Variants in ESYT3 observed in about 807,000 individuals in gnomAD.
The protein encoded by ESYT3 is extended synaptotagmin 3.
In ESYT3, 101 loss-of-function variants were observed where a neutral mutation model predicts 111.5. The ratio of observed to expected loss-of-function variants is 0.91; its 90% CI spans 0.77 to 1.07. The LOEUF (loss-of-function observed/expected upper bound fraction) is 1.07. ESYT3 is among the 50% of genes least tolerant of loss of function. ESYT3 has a pLI of 0.00. For synonymous variants in ESYT3, 416 were observed against 446.8 expected, an observed-to-expected ratio of 0.93 and a Z score of 0.87; for missense variants, 1,097 against 1,109.4, an observed-to-expected ratio of 0.99 and a Z score of 0.16.
At chr3:138,470,465 A>G (rs2033162769) in intron 16 of ESYT3, 7 of 1,103,880 alleles carry the variant, frequency 6.3e-6, no homozygotes, top group Non-Finnish European at 5.5e-6. Flanking sequence ...TAAAAAATAT[A>G]TGTTTCATTT....
At chr3:138,447,463 TGA>T (rs1440451976) in intron 1 of ESYT3, among the ~76,000 whole-genome samples, 1 of 152,164 alleles carries the variant, frequency 6.6e-6, no homozygotes, top group African/African-American at 2.4e-5. Flanking sequence ...AATAGAAAAA[TGA>T]GAGCAGAATA....
chr3:138,448,758 A>C (rs73864576), intron 1 of ESYT3, among the ~76,000 whole-genome samples: 3,686 of 152,314 alleles, frequency 0.024, 161 homozygotes, highest in African/African-American at 0.083. Context: ...ATCAGTCTCT[A>C]TGATTTCATC....
intron 1 of ESYT3, among the ~76,000 whole-genome samples, chr3:138,444,521 T>G (rs1372835979): frequency 1.3e-5 from 2 of 152,224 alleles, no homozygotes; most frequent in East Asian, 1.9e-4. Context: ...GTCCACTGTT[T>G]CCATGGATCT....
chr3:138,449,230 G>A (rs1263132698), intron 1 of ESYT3, among the ~76,000 whole-genome samples: 1 of 151,856 alleles, frequency 6.6e-6, no homozygotes, highest in African/African-American at 2.4e-5. Flanking sequence ...GATTACAGGT[G>A]TGTGCCACCA....
intron 15 of ESYT3, 46 bp from the exon 16 acceptor site, chr3:138,470,014 C>T (rs768711347): frequency 2.6e-6 from 4 of 1,560,840 alleles, no homozygotes; most frequent in South Asian, 2.3e-5. Flanking sequence ...GTATCCAGCT[C>T]TGCCCAACCT....
chr3:138,445,058 C>T (rs1468674184), intron 1 of ESYT3, among the ~76,000 whole-genome samples: 7 of 152,222 alleles, frequency 4.6e-5, no homozygotes, highest in African/African-American at 1.7e-4. Flanking sequence ...CCCCAGTCCT[C>T]TGGAATCAAA....
At chr3:138,471,638 TTC>T (rs1477212930) in intron 17 of ESYT3, among the ~76,000 whole-genome samples, 11 of 152,234 alleles carry the variant, frequency 7.2e-5, no homozygotes, top group Non-Finnish European at 1.2e-4. Context: ...GGTGACTCAT[TTC>T]TGTTTTATAA....
chr3:138,441,809 A>G (rs2031172176), intron 1 of ESYT3, among the ~76,000 whole-genome samples: 1 of 132,990 alleles, frequency 7.5e-6, no homozygotes, highest in Non-Finnish European at 1.6e-5. Flanking sequence ...ATTGAGAATT[A>G]TTAAAAAGAC....
rs562171001 is a variant in ESYT3 at position 138,436,379 on chromosome 3, G to T, written c.327+1254G>T. Among the ~76,000 whole-genome samples the T allele has an allele frequency of 6.6e-5, 10 of 152,234 alleles. No homozygotes were observed. In the South Asian group the frequency reaches 1.9e-3, roughly 28 times the overall value. ...TCTTAGAAGGACATCAGTCATATTGGATTAAGGCTCACCCTAATGAACTCA... is the reference window on the plus strand; with the variant it reads ...TCTTAGAAGGACATCAGTCATATTGTATTAAGGCTCACCCTAATGAACTCA... On this transcript the variant is annotated intron_variant, in intron 1 of 22. Coordinates refer to ENST00000389567, the MANE Select transcript of ESYT3 (RefSeq NM_031913.5).
At chr3:138,473,691 A>G (rs2033352721) in intron 19 of ESYT3, 57 bp downstream of exon 19, 2 of 1,433,218 alleles carry the variant, frequency 1.4e-6, no homozygotes, top group Non-Finnish European at 2.0e-6. Context: ...ACCATAAATC[A>G]GAGTAGGGAC....
At chr3:138,462,352 T>C in intron 8 of ESYT3, 146 bp downstream of exon 8, 1 of 1,147,526 alleles carries the variant, frequency 8.7e-7, no homozygotes, top group Non-Finnish European at 1.2e-6. Context: ...GCCCACGTCA[T>C]AATTACTAAA....
rs758867336 is a variant in ESYT3, at chr3:138,476,883, T to C, written c.*29T>C. 9 of 1,589,106 alleles carry C rather than the reference T, an allele frequency of 5.7e-6. No individual in the cohort carries two copies. Among genetic ancestry groups the C allele is most frequent in the South Asian group, 2.2e-5 (2 of 90,296 alleles). ...TGAGAATTCTTATCACTCACCTTTA[T>C]ATTAAAATGTATATATATGTATATA... On this transcript the variant is annotated 3_prime_UTR_variant, in exon 23 of 23. Transcript: ENST00000389567.
chr3:138,451,974 G>A, intron 1 of ESYT3, 74 bp from the exon 2 acceptor site: 7 of 1,560,436 alleles, frequency 4.5e-6, no homozygotes, highest in South Asian at 3.3e-5. Context: ...TGGGAAGCCC[G>A]CCAGGCTGGC....
intron 8 of ESYT3, among the ~76,000 whole-genome samples, chr3:138,463,267 G>C (rs886250932): frequency 2.0e-5 from 3 of 152,216 alleles, no homozygotes; most frequent in Non-Finnish European, 4.4e-5. Flanking sequence ...GCTAATTTTT[G>C]TATTTTTAGT....
chr3:138,434,757 C>G lies in ESYT3; in HGVS notation c.-42C>G, dbSNP rs764714528. ...GGGCGTGGGGGCATGCGGACCTAAG[C>G]TCGGGTGAAGCTCTCGGGAAGGGCA... is the stretch of plus-strand genomic sequence containing the variant. On this transcript the variant is annotated 5_prime_UTR_variant, in exon 1 of 23. Coordinates refer to ENST00000389567, the MANE Select transcript of ESYT3 (RefSeq NM_031913.5). 1.4e-6 allele frequency: 2 copies of G among 1,471,916 alleles called. No individual in the cohort carries two copies. The highest frequency in any genetic ancestry group is 2.8e-5 in the African/African-American group (2 of 70,802). 91.2% of individuals were successfully genotyped at this position (1,471,916 alleles called of 1,614,324 possible).
At chr3:138,462,422 A>G in intron 8 of ESYT3, 3 of 604,300 alleles carry the variant, frequency 5.0e-6, no homozygotes, top group South Asian at 4.5e-5. Context: ...ACTGCATTCT[A>G]AACTTACTTG....
intron 19 of ESYT3, 139 bp downstream of exon 19, chr3:138,473,773 C>A: frequency 1.3e-6 from 1 of 751,086 alleles, no homozygotes; most frequent in Non-Finnish European, 2.1e-6. Flanking sequence ...GATTTGAAGG[C>A]CTGAACACTG....
rs184840210 is a variant in ESYT3 at position 138,479,655 on chromosome 3, T to G, written c.*2801T>G. On this transcript the variant is annotated 3_prime_UTR_variant, in exon 23 of 23. Transcript: ENST00000389567. ...CAATCACCTAAGTACCCCCACAGTT[T>G]ACCCTTGGCTCATGGCCTTCATGTT... 2.6e-5 allele frequency: 4 copies of G among 152,342 alleles called. No homozygotes were observed. The East Asian group carries it at 7.7e-4, about 29-fold the overall frequency. 9.4% of individuals were successfully genotyped at this position (152,342 alleles called of 1,614,324 possible). A position where few individuals can be genotyped will look rare whatever the true frequency, so the allele number is the denominator to read the frequency against.
At chr3:138,476,379 T>C in intron 21 of ESYT3, 51 bp downstream of exon 21, 1 of 1,602,104 alleles carries the variant, frequency 6.2e-7, no homozygotes. Context: ...TCAATTCGCC[T>C]TATCCCAATT....
Sources: allele counts gnomAD v4.1 joint callset (sites outside exome capture counted in the v4.1 genomes callset), GRCh38; gene constraint gnomAD v4.1.1; transcripts MANE v1.5; gene names NCBI Gene and HGNC (gene_info 2026-07-23, HGNC 2026-07-21).